The following INTS15 variants were observed in gnomAD, a reference collection of about 807,000 sequenced individuals.
The protein encoded by INTS15 is uncharacterized protein C7orf26.
the INTS15 span, chr7:6,602,223 TG>T: frequency 2.6e-6 from 3 of 1,167,776 alleles, no homozygotes; most frequent in Non-Finnish European, 3.7e-6. Flanking sequence ...CCCTTTGTCC[TG>T]GGTTCTTTGG....
chr7:6,604,839 G>C, the INTS15 span, among the ~76,000 whole-genome samples: 1 of 152,332 alleles, frequency 6.6e-6, no homozygotes, highest in South Asian at 2.1e-4. Flanking sequence ...CAGATGTCTG[G>C]ATGGGTACAA....
the INTS15 span, chr7:6,608,098 G>GGCCCCCC: frequency 7.6e-7 from 1 of 1,311,294 alleles, no homozygotes; most frequent in Non-Finnish European, 1.0e-6. Flanking sequence ...ACCCCGCCCT[G>GGCCCCCC]CCCACGCATC....
the INTS15 span, chr7:6,599,747 G>T: frequency 1.4e-6 from 2 of 1,385,606 alleles, no homozygotes; most frequent in South Asian, 2.6e-5. Flanking sequence ...CATGGGCCTT[G>T]GGGTCAGGCT....
chr7:6,598,361 C>T, the INTS15 span, among the ~76,000 whole-genome samples: 97 of 149,958 alleles, frequency 6.5e-4, no homozygotes, highest in African/African-American at 2.1e-3. Flanking sequence ...CCCAGCTACT[C>T]GGGATGCTGA....
the INTS15 span, chr7:6,608,522 G>C: frequency 8.7e-7 from 1 of 1,151,580 alleles, no homozygotes; most frequent in Non-Finnish European, 1.1e-6. Context: ...TCCTCGTGAA[G>C]ACGATGTGTC....
chr7:6,592,832 A>G, the INTS15 span, among the ~76,000 whole-genome samples: 1 of 151,688 alleles, frequency 6.6e-6, no homozygotes, highest in Non-Finnish European at 1.5e-5. Context: ...CTGGTCACGA[A>G]CTCCTGAGGT....
chr7:6,607,335 G>C, the INTS15 span, among the ~76,000 whole-genome samples: 1 of 151,638 alleles, frequency 6.6e-6, no homozygotes, highest in African/African-American at 2.4e-5. This position sits in a 1 kb window ranked among gnomAD's most constrained non-coding sequence, Gnocchi z 6.0. Context: ...CGCGGTGGCG[G>C]ATGGGGAGAC....
chr7:6,591,875 T>A, the INTS15 span: 2 of 1,610,132 alleles, frequency 1.2e-6, no homozygotes, highest in Non-Finnish European at 1.7e-6. Context: ...CAGGTACTGC[T>A]CAAGAGAGAC....
chr7:6,606,921 C>T, the INTS15 span, among the ~76,000 whole-genome samples: 2 of 152,078 alleles, frequency 1.3e-5, no homozygotes, highest in Non-Finnish European at 2.9e-5. Flanking sequence ...ATTGCTCCGT[C>T]TGGTCTTGAA....
chr7:6,602,053 C>T, the INTS15 span: 102 of 1,542,552 alleles, frequency 6.6e-5, no homozygotes, highest in South Asian at 1.5e-4. Flanking sequence ...TGTATTTCAC[C>T]GTGTTGTCTC....
At chr7:6,608,392 G>A in the INTS15 span, 1 of 1,398,500 alleles carries the variant, frequency 7.2e-7, no homozygotes, top group Non-Finnish European at 9.3e-7. Flanking sequence ...CCTGCTGCGT[G>A]CATTTTTAAA....
chr7:6,607,701 G>A, the INTS15 span: 1 of 1,524,006 alleles, frequency 6.6e-7, no homozygotes, highest in East Asian at 2.5e-5. The surrounding 1 kb of genome is among the most constrained non-coding windows in gnomAD (Gnocchi z 6.0). Context: ...CCACCTGTGT[G>A]GGCTGCGCGC....
At chr7:6,608,256 G>A in the INTS15 span, 1 of 1,494,460 alleles carries the variant, frequency 6.7e-7, no homozygotes, top group East Asian at 2.5e-5. Flanking sequence ...CGGGGAAGGG[G>A]TCGGGCAGCC....
the INTS15 span, chr7:6,590,236 CG>C: frequency 7.0e-7 from 1 of 1,423,306 alleles, no homozygotes; most frequent in East Asian, 2.9e-5. Context: ...TCCCGGGCCC[CG>C]GGCGGAAGTG....
chr7:6,594,034 G>A, the INTS15 span, among the ~76,000 whole-genome samples: 1 of 87,904 alleles, frequency 1.1e-5, no homozygotes, highest in Admixed American at 1.4e-4. Context: ...TTGAGATGAA[G>A]TTTTGCTTTT....
At chr7:6,599,499 C>T in the INTS15 span, among the ~76,000 whole-genome samples, 1 of 152,284 alleles carries the variant, frequency 6.6e-6, no homozygotes, top group Non-Finnish European at 1.5e-5. Flanking sequence ...ATAGAAAAAC[C>T]GTGGAATTTT....
At chr7:6,594,233 C>G in the INTS15 span, among the ~76,000 whole-genome samples, 2 of 147,526 alleles carry the variant, frequency 1.4e-5, no homozygotes, top group Admixed American at 1.4e-4. Context: ...TCTCGAACTC[C>G]TGACCTCAGG....
At chr7:6,603,410 G>A in the INTS15 span, among the ~76,000 whole-genome samples, 1 of 151,508 alleles carries the variant, frequency 6.6e-6, no homozygotes, top group Non-Finnish European at 1.5e-5. Context: ...AGCCAGGTGT[G>A]GTGGCATGCA....
chr7:6,597,333 C>T, the INTS15 span, among the ~76,000 whole-genome samples: 8 of 151,138 alleles, frequency 5.3e-5, no homozygotes, highest in Non-Finnish European at 1.2e-4. Flanking sequence ...CTCACTCTGT[C>T]ACCTAGGCTG....
Sources: gnomAD v4.1 joint callset for allele counts (sites outside exome capture counted in the v4.1 genomes callset) on GRCh38, gnomAD v4.1.1 for gene constraint, Gnocchi (gnomAD v3.1) non-coding constraint, MANE v1.5 for transcripts, NCBI Gene and HGNC (gene_info 2026-07-23, HGNC 2026-07-21) for gene names.